The following LONP2 variants were observed in gnomAD, a reference collection of about 807,000 sequenced individuals.
LONP2 encodes lon protease homolog 2, peroxisomal.
LONP2 carries 60 observed loss-of-function variants against 85.6 expected under a neutral mutation model. The ratio of observed to expected loss-of-function variants is 0.70; its 90% CI spans 0.57 to 0.87. The LOEUF (loss-of-function observed/expected upper bound fraction) is 0.87. Among genes scored for constraint, LONP2 ranks in the 40% least tolerant of loss-of-function variants. The pLI, the probability that LONP2 is intolerant of heterozygous loss-of-function variation, is 0.00. For synonymous variants in LONP2, 395 were observed against 389.7 expected (o/e 1.01, Z -0.16); for missense variants, 860 against 1,063.5 (o/e 0.81, Z 2.66).
intron 11 of LONP2, among the ~76,000 whole-genome samples, chr16:48,306,548 T>C (rs1359666179): frequency 1.3e-5 from 2 of 152,180 alleles, no homozygotes; most frequent in African/African-American, 2.4e-5. Flanking sequence ...GATGAATAAT[T>C]AGAATAAATA....
chr16:48,298,798 A>T (rs1324861150), intron 9 of LONP2, among the ~76,000 whole-genome samples: 2 of 152,210 alleles, frequency 1.3e-5, no homozygotes, highest in African/African-American at 4.8e-5. Context: ...GAAATATATC[A>T]TTTAATCAGA....
At chr16:48,338,392 T>C (rs1239491638) in intron 12 of LONP2, among the ~76,000 whole-genome samples, 1 of 152,192 alleles carries the variant, frequency 6.6e-6, no homozygotes, top group Non-Finnish European at 1.5e-5. Context: ...CAGTAACTAC[T>C]CTAGCTATAT....
chr16:48,276,475 G>T (rs1972211298), intron 7 of LONP2, among the ~76,000 whole-genome samples: 1 of 152,142 alleles, frequency 6.6e-6, no homozygotes, highest in African/African-American at 2.4e-5. Flanking sequence ...AGACAGCAGG[G>T]TTATAATTAA....
chr16:48,287,355 T>G (rs1395925263), intron 8 of LONP2, among the ~76,000 whole-genome samples: 1 of 152,264 alleles, frequency 6.6e-6, no homozygotes, highest in Non-Finnish European at 1.5e-5. Flanking sequence ...CCCATGAATA[T>G]CTCATTTCCC....
chr16:48,257,203 C>G (rs956809983), intron 3 of LONP2, among the ~76,000 whole-genome samples: 4 of 151,928 alleles, frequency 2.6e-5, no homozygotes, highest in African/African-American at 9.7e-5. Context: ...CCCAGCTACT[C>G]GAGAGGCTGA....
intron 6 of LONP2, among the ~76,000 whole-genome samples, chr16:48,265,030 C>T (rs796818956): frequency 5.9e-5 from 9 of 152,234 alleles, no homozygotes; most frequent in African/African-American, 2.2e-4. Context: ...TTTTGATTTG[C>T]ATTTCCCTGA....
chr16:48,270,299 C>T (rs757087694), intron 7 of LONP2, 25 bp downstream of exon 7: 43 of 1,607,136 alleles, frequency 2.7e-5, no homozygotes, highest in Non-Finnish European at 3.5e-5. Context: ...TCAGTTTAAT[C>T]TCTGATTCCT....
chr16:48,259,890 T>G (rs74016348), intron 4 of LONP2, among the ~76,000 whole-genome samples: 1,860 of 152,316 alleles, frequency 0.012, 39 homozygotes, highest in African/African-American at 0.042. Context: ...CAGTAAAGTT[T>G]GCCATCACTT....
At chr16:48,278,557 G>C (rs991566806) in intron 8 of LONP2, among the ~76,000 whole-genome samples, 1 of 152,108 alleles carries the variant, frequency 6.6e-6, no homozygotes, top group Non-Finnish European at 1.5e-5. Context: ...AAAGAATTCT[G>C]GTTGGAAATA....
At chr16:48,320,267 G>C (rs1973235010) in intron 11 of LONP2, among the ~76,000 whole-genome samples, 1 of 151,966 alleles carries the variant, frequency 6.6e-6, no homozygotes, top group Non-Finnish European at 1.5e-5. Context: ...AGGTTGCACA[G>C]ATAGGGGTTA....
intron 8 of LONP2, among the ~76,000 whole-genome samples, chr16:48,280,758 C>T (rs1382165189): frequency 2.6e-5 from 4 of 152,180 alleles, no homozygotes; most frequent in African/African-American, 7.2e-5. Context: ...ACAGCCTCTT[C>T]CTCCCTGCTT....
In LONP2 at chr16:48,299,798, C is replaced by A. The variant is rs757130905; in HGVS notation, c.1661+10C>A. 5 of 1,608,674 alleles carry A rather than the reference C, an allele frequency of 3.1e-6. No homozygotes were observed. In the South Asian group the frequency reaches 3.3e-5, roughly 11 times the overall value. The stretch of plus-strand genomic sequence containing the variant: ...TTGACATCATCACCAGGTTAGTTAG[C>A]CATCCTGAGGCTTCATTAACTCCAG... On this transcript the variant is annotated intron_variant, in intron 10 of 14. Coordinates refer to ENST00000285737, the MANE Select transcript of LONP2 (RefSeq NM_031490.5).
Position 48,362,738 on chromosome 16 carries a change from C to T in LONP2, c.*875C>T, listed in dbSNP as rs544553932. ...GCTAAAATAGAAAATGGACCATAAA[C>T]AACTAAAGAAACTATACAAGGAACT... is the stretch of plus-strand genomic sequence containing the variant. On this transcript the variant is annotated 3_prime_UTR_variant, in exon 5 of 5. Transcript: ENST00000565867. This position sits in a 1 kb window ranked among gnomAD's most constrained non-coding sequence, Gnocchi z 4.2. 5.3e-4 allele frequency: 140 copies of T among 263,150 alleles called. 1 individual carries two copies. The South Asian group carries it at 7.0e-3, about 13-fold the overall frequency. 16.3% of individuals were successfully genotyped at this position (263,150 alleles called of 1,614,324 possible). A position where few individuals can be genotyped will look rare whatever the true frequency, so the allele number is the denominator to read the frequency against.
chr16:48,331,063 AGC>A (rs1386146597), intron 11 of LONP2, among the ~76,000 whole-genome samples: 1 of 152,210 alleles, frequency 6.6e-6, no homozygotes, highest in Non-Finnish European at 1.5e-5. Flanking sequence ...ATCTCAGAAA[AGC>A]TTGTCACAAA....
intron 12 of LONP2, among the ~76,000 whole-genome samples, chr16:48,339,507 T>C (rs893026453): frequency 2.0e-5 from 3 of 152,162 alleles, no homozygotes; most frequent in Admixed American, 1.3e-4. Context: ...CTGTAAACAA[T>C]TGCAGAGAAA....
rs1440642658 is a variant in LONP2, at chr16:48,356,075, C to T, written c.*4273C>T. The T allele has an allele frequency of 6.6e-6, 1 of 152,198 alleles. No individual in the cohort carries two copies. The highest frequency in any genetic ancestry group is 1.5e-5 in the Non-Finnish European group (1 of 68,048). The allele number at this position is 152,198 out of a possible 1,614,324, so 9.4% of individuals were successfully genotyped here. On this transcript the variant is annotated 3_prime_UTR_variant, in exon 15 of 15. Transcript: ENST00000285737. The stretch of plus-strand genomic sequence containing the variant: ...CATGCATCTGGGGCAGAGATCCTTA[C>T]TTGCTTGGTGGTTACAAATGCAAAT...
At chr16:48,277,003 C>G (rs532424988) in intron 7 of LONP2, among the ~76,000 whole-genome samples, 5 of 152,180 alleles carry the variant, frequency 3.3e-5, no homozygotes, top group Admixed American at 6.5e-5. Flanking sequence ...CATGGGAATT[C>G]ATAGGGTACT....
At chr16:48,280,176 T>G (rs1262431502) in intron 8 of LONP2, among the ~76,000 whole-genome samples, 5 of 152,228 alleles carry the variant, frequency 3.3e-5, no homozygotes, top group Admixed American at 3.3e-4. Context: ...GTGAACATTA[T>G]TTAAGATTTT....
rs1291168846 is a variant in LONP2, at chr16:48,356,691, A to AT, written c.*4890dup. ...GGAAGGAAATATCAAAAAGGTCTGA[A>AT]TAGACAACAGGCAAATATGGTGAGT... On this transcript the variant is annotated 3_prime_UTR_variant, in exon 15 of 15. Coordinates refer to ENST00000285737, the MANE Select transcript of LONP2 (RefSeq NM_031490.5). 2.5e-5 allele frequency: 10 copies of AT among 394,826 alleles called. No individual in the cohort carries two copies. The Admixed American group carries it at 3.0e-4, about 12-fold the overall frequency. The allele number at this position is 394,826 out of a possible 1,614,324, so 24.5% of individuals were successfully genotyped here. A position where few individuals can be genotyped will look rare whatever the true frequency, so the allele number is the denominator to read the frequency against.
Sources: gnomAD v4.1 joint callset for allele counts (sites outside exome capture counted in the v4.1 genomes callset) on GRCh38, gnomAD v4.1.1 for gene constraint, Gnocchi (gnomAD v3.1) non-coding constraint, MANE v1.5 for transcripts, NCBI Gene and HGNC (gene_info 2026-07-23, HGNC 2026-07-21) for gene names.